LRIG1: variants seen among roughly 807,000 people sequenced by gnomAD.
LRIG1 encodes the protein leucine rich repeats and immunoglobulin like domains 1, also known as leucine-rich repeats and immunoglobulin-like domains protein 1.
In LRIG1, 48 loss-of-function variants were observed where a neutral mutation model predicts 99.2. The observed-to-expected ratio is 0.48, with a 90% CI of 0.38 to 0.62. The LOEUF (loss-of-function observed/expected upper bound fraction) is 0.62. LRIG1 is among the 20% of genes least tolerant of loss of function. LRIG1 has a pLI of 0.00. For missense variants in LRIG1, 1,646 were observed against 1,434.4 expected (o/e 1.15, Z -2.38); for synonymous variants, 772 against 596.1 (o/e 1.29, Z -4.30).
intron 3 of LRIG1, among the ~76,000 whole-genome samples, chr3:66,444,065 C>T (rs137964486): frequency 4.8e-4 from 73 of 152,278 alleles, no homozygotes; most frequent in African/African-American, 1.7e-3. Context: ...TGATCAGATA[C>T]GAGTGACTGA....
chr3:66,486,623 T>C (rs1233774071), intron 1 of LRIG1, among the ~76,000 whole-genome samples: 1 of 152,246 alleles, frequency 6.6e-6, no homozygotes, highest in Non-Finnish European at 1.5e-5. Flanking sequence ...TAGCTGATGT[T>C]TATGACTTTT....
intron 1 of LRIG1, among the ~76,000 whole-genome samples, chr3:66,488,328 T>C (rs1053867742): frequency 6.6e-6 from 1 of 151,904 alleles, no homozygotes; most frequent in African/African-American, 2.4e-5. Context: ...ACTTCAAAAT[T>C]AGAAAAAGCC....
At chr3:66,468,897 G>A (rs1333295582) in intron 1 of LRIG1, 1 of 152,194 alleles carries the variant, frequency 6.6e-6, no homozygotes, top group Admixed American at 6.5e-5. Context: ...AAGCTCCAAT[G>A]AAATCACCAC....
chr3:66,493,005 A>G (rs1431125990), intron 1 of LRIG1, among the ~76,000 whole-genome samples: 2 of 152,198 alleles, frequency 1.3e-5, no homozygotes, highest in Non-Finnish European at 2.9e-5. Context: ...CAAAGTTACT[A>G]TGCAATTCCA....
At chr3:66,456,914 C>T (rs907100566) in intron 2 of LRIG1, among the ~76,000 whole-genome samples, 7 of 152,288 alleles carry the variant, frequency 4.6e-5, no homozygotes, top group Admixed American at 4.6e-4. Context: ...AATAGAGGAG[C>T]CTGCTGGCCA....
At chr3:66,405,938 C>T (rs1277191793) in intron 8 of LRIG1, 2 of 998,680 alleles carry the variant, frequency 2.0e-6, no homozygotes, top group Non-Finnish European at 2.4e-6. Context: ...GACTCAATGG[C>T]TTCCCAGCTT....
chr3:66,472,095 G>A (rs1255397908), intron 1 of LRIG1, among the ~76,000 whole-genome samples: 1 of 152,082 alleles, frequency 6.6e-6, no homozygotes, highest in Non-Finnish European at 1.5e-5. Context: ...ATGAGGTCAG[G>A]AGATCAAGAC....
In LRIG1 at chr3:66,386,330, G is replaced by A. The variant is rs143359414; in HGVS notation, c.1469-29C>T. ...GGGAGAGAAGGGTCAACTGTAAAGC[G>A]CTGGGTTCTTGGTACACAGAGGAAC... is the stretch of plus-strand genomic sequence containing the variant. On this transcript the variant is annotated intron_variant, in intron 12 of 18. Coordinates refer to ENST00000273261, the MANE Select transcript of LRIG1 (RefSeq NM_015541.3). 568 of 1,592,448 alleles carry A rather than the reference G, an allele frequency of 3.6e-4. 2 individuals carry two copies. The African/African-American group carries it at 4.9e-3, about 14-fold the overall frequency.
intron 1 of LRIG1, among the ~76,000 whole-genome samples, chr3:66,472,303 CAAAAAAAAAAAAAAAA>C (rs71105995): frequency 3.1e-5 from 2 of 63,842 alleles, no homozygotes; most frequent in East Asian, 4.8e-4. Flanking sequence ...GACTCTGTCT[CAAAAAAAAAAAAAAAA>C]AAAAAAAAAA....
intron 11 of LRIG1, among the ~76,000 whole-genome samples, chr3:66,396,499 G>A (rs1035529467): frequency 4.6e-5 from 7 of 152,188 alleles, no homozygotes; most frequent in East Asian, 1.9e-4. Flanking sequence ...AGAAAAAGAC[G>A]ACCAAGTGGA....
intron 14 of LRIG1, 58 bp downstream of exon 14, chr3:66,383,933 G>GTC (rs561796324): frequency 8.6e-5 from 122 of 1,425,484 alleles, no homozygotes; most frequent in African/African-American, 6.4e-4. Flanking sequence ...GCATTTGAGA[G>GTC]TCTCTCTCTC....
At chr3:66,394,584 C>T (rs1701769363) in intron 11 of LRIG1, among the ~76,000 whole-genome samples, 1 of 152,126 alleles carries the variant, frequency 6.6e-6, no homozygotes, top group African/African-American at 2.4e-5. Context: ...TCTGACCTCT[C>T]CTGACCTCTG....
intron 3 of LRIG1, among the ~76,000 whole-genome samples, chr3:66,435,489 G>T (rs1007359480): frequency 2.6e-5 from 4 of 152,206 alleles, no homozygotes; most frequent in Non-Finnish European, 5.9e-5. Flanking sequence ...TGAGGCAGAA[G>T]AATCACGTAA....
rs748512401 is a variant in LRIG1 at position 66,381,594 on chromosome 3, G to C, written c.2655C>G (p.Pro885=). 1.6e-5 allele frequency: 26 copies of C among 1,613,876 alleles called. No individual in the cohort carries two copies. The highest frequency in any genetic ancestry group is 4.0e-5 in the African/African-American group (3 of 74,888). The change falls in exon 17 of 19, where the codon CCC becomes CCG. Residue 885 remains proline, a synonymous_variant. Transcript: ENST00000273261. ...CPRDASHFPE[P]DTHSVACRQP... is the part of the protein sequence containing the mutation. ...GCCTGCAGGCAACGCTGTGAGTGTC[G>C]GGCTCTGGAAAGTGGCTTGCATCTC...
chr3:66,432,413 C>T (rs1703202210), intron 3 of LRIG1, among the ~76,000 whole-genome samples: 1 of 152,168 alleles, frequency 6.6e-6, no homozygotes, highest in African/African-American at 2.4e-5. Context: ...CATTTTCTTT[C>T]CAGTAGAAGG....
At chr3:66,413,811 C>G (rs948228673) in intron 5 of LRIG1, among the ~76,000 whole-genome samples, 12 of 152,302 alleles carry the variant, frequency 7.9e-5, no homozygotes, top group Admixed American at 7.2e-4. Context: ...TCTAGGACTC[C>G]CCACCCAGGG....
At chr3:66,396,766 A>G (rs1701866651) in intron 11 of LRIG1, among the ~76,000 whole-genome samples, 1 of 152,228 alleles carries the variant, frequency 6.6e-6, no homozygotes, top group African/African-American at 2.4e-5. Flanking sequence ...CTGACATCAT[A>G]TCTGAAAGTT....
chr3:66,458,500 G>A (rs921179655), intron 2 of LRIG1, among the ~76,000 whole-genome samples: 4 of 152,000 alleles, frequency 2.6e-5, no homozygotes, highest in Admixed American at 2.0e-4. Flanking sequence ...GCCAGACTTC[G>A]AGACCAGCCT....
intron 3 of LRIG1, among the ~76,000 whole-genome samples, chr3:66,427,127 A>G (rs144948660): frequency 6.6e-6 from 1 of 152,234 alleles, no homozygotes; most frequent in South Asian, 2.1e-4. Context: ...TGATCCTGGC[A>G]GACAGGTTTC....
Sources: gnomAD v4.1 joint callset for allele counts (sites outside exome capture counted in the v4.1 genomes callset) on GRCh38, gnomAD v4.1.1 for gene constraint, MANE v1.5 for transcripts, NCBI Gene and HGNC (gene_info 2026-07-23, HGNC 2026-07-21) for gene names.